Variants in DTWD2 observed in about 807,000 individuals in gnomAD.
DTWD2 encodes DTW motif tRNA-uridine aminocarboxypropyltransferase 2.
DTWD2 carries 39 observed loss-of-function variants against 31.8 expected under a neutral mutation model. The observed-to-expected ratio is 1.22, with a 90% CI of 0.95 to 1.60. DTWD2 has a LOEUF of 1.60. Among genes scored for constraint, DTWD2 ranks in the 40% most tolerant of loss-of-function variants. DTWD2 has a pLI of 0.00. For missense variants in DTWD2, 515 were observed against 381.5 expected (o/e 1.35, Z -2.92); for synonymous variants, 180 against 142.8 (o/e 1.26, Z -1.86).
At chr5:118,977,898 A>C (rs1425573230) in intron 1 of DTWD2, among the ~76,000 whole-genome samples, 1 of 152,216 alleles carries the variant, frequency 6.6e-6, no homozygotes, top group African/African-American at 2.4e-5. Context: ...AAAAGAGGAA[A>C]ACTGGAGAGG....
At chr5:118,912,316 AAAGG>A (rs541572861) in intron 4 of DTWD2, among the ~76,000 whole-genome samples, 113 of 152,310 alleles carry the variant, frequency 7.4e-4, no homozygotes, top group African/African-American at 2.6e-3. Context: ...GTGTTGTTTC[AAAGG>A]AAGGGAGAAC....
intron 4 of DTWD2, among the ~76,000 whole-genome samples, chr5:118,900,163 T>C (rs1056610983): frequency 5.9e-5 from 9 of 152,196 alleles, no homozygotes; most frequent in African/African-American, 1.7e-4. Context: ...ATGTAATTCA[T>C]TCATGTTGTT....
At chr5:118,977,991 G>A (rs976837847) in intron 1 of DTWD2, among the ~76,000 whole-genome samples, 1 of 152,084 alleles carries the variant, frequency 6.6e-6, no homozygotes, top group East Asian at 1.9e-4. Flanking sequence ...CCTGGTACTG[G>A]TACAAAACCA....
intron 4 of DTWD2, among the ~76,000 whole-genome samples, chr5:118,920,832 CTT>C: frequency 6.6e-6 from 1 of 152,084 alleles, no homozygotes; most frequent in South Asian, 2.1e-4. Context: ...GGGGAGCGTT[CTT>C]TGTTTTTTCC....
rs146034580 is a variant in DTWD2, at chr5:118,953,665, C to T, written c.219-9016G>A. On this transcript the variant is annotated intron_variant, in intron 1 of 5. Coordinates refer to ENST00000510708, the MANE Select transcript of DTWD2 (RefSeq NM_173666.4). ...AGAGTTGTTACAAAAGATGTTGGCT[C>T]CTGAGAGCATAAAGTTATTAGGCTA... Among the ~76,000 whole-genome samples the T allele has an allele frequency of 1.0e-3, 155 of 152,262 alleles. 1 individual carries two copies. In the East Asian group the frequency reaches 0.026, roughly 25 times the overall value.
At chr5:118,940,224 G>C (rs900895814) in intron 2 of DTWD2, among the ~76,000 whole-genome samples, 2 of 152,156 alleles carry the variant, frequency 1.3e-5, no homozygotes, top group African/African-American at 4.8e-5. Flanking sequence ...GTTGCCACGA[G>C]AATTCTACCT....
chr5:118,893,109 C>T (rs577753259), intron 4 of DTWD2, among the ~76,000 whole-genome samples: 2 of 152,148 alleles, frequency 1.3e-5, no homozygotes, highest in South Asian at 2.1e-4. Context: ...AGCGTGGTGG[C>T]TCATGCCTGT....
chr5:118,953,595 C>T, intron 1 of DTWD2, among the ~76,000 whole-genome samples: 1 of 152,146 alleles, frequency 6.6e-6, no homozygotes, highest in Admixed American at 6.5e-5. Context: ...TATGGGGACA[C>T]CATACTTTGG....
At chr5:118,941,358 G>T (rs1754195775) in intron 2 of DTWD2, among the ~76,000 whole-genome samples, 2 of 152,106 alleles carry the variant, frequency 1.3e-5, no homozygotes, top group Non-Finnish European at 2.9e-5. Context: ...CCCGGTGTGT[G>T]ATGTTCCCCT....
At chr5:118,970,775 G>A (rs1247190148) in intron 1 of DTWD2, among the ~76,000 whole-genome samples, 3 of 152,208 alleles carry the variant, frequency 2.0e-5, no homozygotes, top group Non-Finnish European at 4.4e-5. Context: ...AAGTCCATCA[G>A]ACTAAAAGCA....
At position 118,974,050 on chromosome 5, in the gene DTWD2, G is replaced by A. The variant is rs560932783; in HGVS notation, c.218+14244C>T. 658 of 1,605,882 alleles carry A rather than the reference G, an allele frequency of 4.1e-4. 2 individuals carry two copies. Among genetic ancestry groups the A allele is most frequent in the South Asian group, 2.3e-3 (210 of 90,358 alleles). ...AAGATGAGGAAGCTGAGACAGCTAC[G>A]GGCAAGCGGGCAGCTGAAGATGATG... On this transcript the variant is annotated intron_variant, in intron 1 of 5. Transcript: ENST00000510708.
rs113042735 is a variant in DTWD2 at position 118,910,299 on chromosome 5, T to C, written c.597+18238A>G. 1.5e-3 allele frequency among the ~76,000 whole-genome samples: 235 copies of C among 152,332 alleles called. 1 individual carries two copies. Among genetic ancestry groups the C allele is most frequent in the African/African-American group, 5.3e-3 (222 of 41,580 alleles). On this transcript the variant is annotated intron_variant, in intron 4 of 5. Coordinates refer to ENST00000510708, the MANE Select transcript of DTWD2 (RefSeq NM_173666.4). ...GAGATTTCTTCCACCAAATATACTT[T>C]TTCACTGCTCAGTAGTACTGCCTTC... is the stretch of plus-strand genomic sequence containing the variant.
At chr5:118,955,943 G>C (rs531523924) in intron 1 of DTWD2, among the ~76,000 whole-genome samples, 2 of 151,706 alleles carry the variant, frequency 1.3e-5, no homozygotes, top group Non-Finnish European at 2.9e-5. Flanking sequence ...AATTTATATA[G>C]ATATGAGAAA....
At chr5:118,913,189 T>C (rs1753497214) in intron 4 of DTWD2, among the ~76,000 whole-genome samples, 5 of 151,992 alleles carry the variant, frequency 3.3e-5, no homozygotes, top group Admixed American at 3.3e-4. Context: ...GTTCTTCTAA[T>C]TGTCCCTAGC....
intron 4 of DTWD2, among the ~76,000 whole-genome samples, chr5:118,883,015 C>T (rs1017599247): frequency 9.2e-5 from 14 of 152,246 alleles, no homozygotes; most frequent in African/African-American, 3.4e-4. Flanking sequence ...TTATGTTCTG[C>T]TTCTCTTTTA....
intron 4 of DTWD2, among the ~76,000 whole-genome samples, chr5:118,892,927 C>T (rs1451086047): frequency 2.6e-5 from 4 of 151,936 alleles, no homozygotes; most frequent in Admixed American, 2.0e-4. Flanking sequence ...TATCCACTTA[C>T]AGAATGTAAG....
At chr5:118,945,402 CA>C (rs1754309190) in intron 1 of DTWD2, among the ~76,000 whole-genome samples, 1 of 152,090 alleles carries the variant, frequency 6.6e-6, no homozygotes, top group South Asian at 2.1e-4. Flanking sequence ...TATGTCCTTC[CA>C]AAGGTAATGT....
chr5:118,987,001 T>C (rs772556871), intron 1 of DTWD2, among the ~76,000 whole-genome samples: 1 of 152,190 alleles, frequency 6.6e-6, no homozygotes, highest in Admixed American at 6.5e-5. Flanking sequence ...TAAAAAAGCA[T>C]CATAAAATAA....
chr5:118,846,164 T>C (rs1391916286), intron 5 of DTWD2, among the ~76,000 whole-genome samples: 1 of 152,202 alleles, frequency 6.6e-6, no homozygotes, highest in African/African-American at 2.4e-5. Flanking sequence ...ATTCCTAATA[T>C]AATGGTATAT....
Sources: gnomAD v4.1 joint callset for allele counts (sites outside exome capture counted in the v4.1 genomes callset) on GRCh38, gnomAD v4.1.1 for gene constraint, MANE v1.5 for transcripts, NCBI Gene and HGNC (gene_info 2026-07-23, HGNC 2026-07-21) for gene names.